The following BAALC variants were observed in gnomAD, a reference collection of about 807,000 sequenced individuals.
BAALC encodes brain and acute leukemia cytoplasmic protein.
In BAALC, 9 loss-of-function variants were observed where a neutral mutation model predicts 15.5. The ratio of observed to expected loss-of-function variants is 0.58; its 90% CI spans 0.35 to 1.02. BAALC has a LOEUF of 1.02. BAALC is among the 50% of genes least tolerant of loss of function. BAALC has a pLI of 0.02. For missense variants in BAALC, 201 were observed against 192.4 expected (o/e 1.04, Z -0.27); for synonymous variants, 80 against 74.6 (o/e 1.07, Z -0.37).
chr8:103,177,322 C>T (rs1811629810), intron 1 of BAALC, among the ~76,000 whole-genome samples: 1 of 151,948 alleles, frequency 6.6e-6, no homozygotes, highest in South Asian at 2.1e-4. Flanking sequence ...GTGGCTGAGA[C>T]TACTGGTGTG....
chr8:103,180,958 A>G (rs1353476387), intron 1 of BAALC, among the ~76,000 whole-genome samples: 1 of 152,230 alleles, frequency 6.6e-6, no homozygotes, highest in Admixed American at 6.5e-5. Flanking sequence ...AGCATCCCTG[A>G]AAACACAGCT....
chr8:103,177,584 A>T (rs1234208839), intron 1 of BAALC, among the ~76,000 whole-genome samples: 3 of 151,288 alleles, frequency 2.0e-5, no homozygotes, highest in Non-Finnish European at 2.9e-5. Flanking sequence ...TTTTACTCTG[A>T]GTACAGCATT....
chr8:103,155,808 T>A lies in BAALC; in HGVS notation c.160+14751T>A, dbSNP rs73701039. ...CTAGAAAACCTGCAGTGTCTCCATG[T>A]TCTCTAGGTCAGTGGAGAGTGAAAT... On this transcript the variant is annotated intron_variant, in intron 1 of 2. Transcript: ENST00000309982. Among the ~76,000 whole-genome samples the A allele has an allele frequency of 5.0e-3, 767 of 152,310 alleles. 11 individuals carry two copies. Among genetic ancestry groups the A allele is most frequent in the African/African-American group, 0.017 (724 of 41,556 alleles).
chr8:103,176,080 A>G (rs1380147824), intron 1 of BAALC, among the ~76,000 whole-genome samples: 3 of 152,246 alleles, frequency 2.0e-5, no homozygotes, highest in Admixed American at 6.5e-5. Flanking sequence ...CTGGCCAGCA[A>G]AAAGGAAAAA....
intron 1 of BAALC, 58 bp downstream of exon 1, chr8:103,141,115 C>G (rs1435827846): frequency 9.4e-6 from 13 of 1,381,700 alleles, no homozygotes; most frequent in South Asian, 3.4e-5. Context: ...CGCCTTGGCC[C>G]GGGCACTGAG....
chr8:103,160,813 G>T (rs974734378), intron 1 of BAALC, among the ~76,000 whole-genome samples: 1 of 152,092 alleles, frequency 6.6e-6, no homozygotes, highest in Non-Finnish European at 1.5e-5. Context: ...AGGCTGGGAG[G>T]CTAGGCCAGT....
At chr8:103,161,833 G>A (rs573735662) in intron 1 of BAALC, among the ~76,000 whole-genome samples, 1 of 152,246 alleles carries the variant, frequency 6.6e-6, no homozygotes, top group Non-Finnish European at 1.5e-5. Flanking sequence ...GTAAGGAATT[G>A]TAGCTCACTT....
At chr8:103,202,680 T>C (rs1038095948) in intron 1 of BAALC, 6 of 152,226 alleles carry the variant, frequency 3.9e-5, no homozygotes, top group Non-Finnish European at 5.9e-5. Context: ...GTTACAATCC[T>C]AGCAATATTG....
At chr8:103,146,110 C>T (rs1488172906) in intron 1 of BAALC, among the ~76,000 whole-genome samples, 1 of 152,126 alleles carries the variant, frequency 6.6e-6, no homozygotes, top group South Asian at 2.1e-4. Context: ...AAAGTGGACA[C>T]CGTTCAGGTC....
At position 103,140,776 on chromosome 8, in the gene BAALC, G is replaced by T; in HGVS notation, c.-122G>T. On this transcript the variant is annotated 5_prime_UTR_variant, in exon 1 of 3. Coordinates refer to ENST00000309982, the MANE Select transcript of BAALC (RefSeq NM_024812.3). The surrounding 1 kb of genome is among the most constrained non-coding windows in gnomAD (Gnocchi z 4.2). ...AGCTCCGCGCGGCTGCAGCGCGGGC[G>T]GGAGCGGGGACGCGATGTCGCCGCC... 2 of 889,450 alleles carry T rather than the reference G, an allele frequency of 2.2e-6. No individual in the cohort carries two copies. Among genetic ancestry groups the T allele is most frequent in the South Asian group, 5.5e-5 (1 of 18,258 alleles). 55.1% of individuals were successfully genotyped at this position (889,450 alleles called of 1,614,324 possible).
intron 1 of BAALC, chr8:103,141,329 G>C (rs551332997): frequency 5.2e-6 from 2 of 387,842 alleles, no homozygotes; most frequent in African/African-American, 4.2e-5. Context: ...TCGCTGGTCG[G>C]GAGACCGGTG....
At chr8:103,165,290 T>A (rs1811319454) in intron 1 of BAALC, among the ~76,000 whole-genome samples, 1 of 152,170 alleles carries the variant, frequency 6.6e-6, no homozygotes, top group Non-Finnish European at 1.5e-5. Context: ...ATTGGCATCT[T>A]GGGTGGGACT....
intron 1 of BAALC, among the ~76,000 whole-genome samples, chr8:103,153,845 A>G (rs140450557): frequency 6.6e-6 from 1 of 152,346 alleles, no homozygotes; most frequent in East Asian, 1.9e-4. Flanking sequence ...TAGGGCGTTA[A>G]GAAACTGGAA....
chr8:103,141,936 T>C (rs1810787935), intron 1 of BAALC, among the ~76,000 whole-genome samples: 1 of 152,356 alleles, frequency 6.6e-6, no homozygotes, highest in East Asian at 1.9e-4. Context: ...AGATGCAAAC[T>C]GTTGCCACAG....
At chr8:103,174,613 TCTGGAAGACAC>T (rs1205620484) in intron 1 of BAALC, among the ~76,000 whole-genome samples, 1 of 152,192 alleles carries the variant, frequency 6.6e-6, no homozygotes, top group African/African-American at 2.4e-5. Context: ...GATGTTTGGA[TCTGGAAGACAC>T]CTGAGGATAG....
intron 1 of BAALC, among the ~76,000 whole-genome samples, chr8:103,176,575 C>T (rs1811611428): frequency 6.6e-6 from 1 of 152,100 alleles, no homozygotes; most frequent in Admixed American, 6.5e-5. Flanking sequence ...AATCCTAGCG[C>T]CCACACTAAC....
intron 1 of BAALC, among the ~76,000 whole-genome samples, chr8:103,185,685 G>A (rs1811819517): frequency 6.6e-6 from 1 of 152,186 alleles, no homozygotes; most frequent in Non-Finnish European, 1.5e-5. Flanking sequence ...GAGGGATTGG[G>A]ATTGTAAACT....
rs371880262 is a variant in BAALC, at chr8:103,176,649, C to T, written c.160+35592C>T. ...CAGGGGAATTGTCTCTGTGACCCGC[C>T]TTTTGGAAACCTCTGCCCTGTGCTG... On this transcript the variant is annotated intron_variant, in intron 1 of 2. Transcript: ENST00000309982. 2.6e-5 allele frequency among the ~76,000 whole-genome samples: 4 copies of T among 152,272 alleles called. No individual in the cohort carries two copies. In the East Asian group the frequency reaches 5.8e-4, roughly 22 times the overall value.
At chr8:103,194,377 CTTTAA>C (rs985922738) in intron 1 of BAALC, among the ~76,000 whole-genome samples, 37 of 150,084 alleles carry the variant, frequency 2.5e-4, no homozygotes, top group African/African-American at 6.8e-4. Context: ...GTAGTCTTTT[CTTTAA>C]TTTAATTCCT....
Sources: allele counts gnomAD v4.1 joint callset (sites outside exome capture counted in the v4.1 genomes callset), GRCh38; gene constraint gnomAD v4.1.1; non-coding constraint Gnocchi (gnomAD v3.1); transcripts MANE v1.5; gene names NCBI Gene and HGNC (gene_info 2026-07-23, HGNC 2026-07-21).